Variants in C8orf76 observed in about 807,000 individuals in gnomAD.
C8orf76 encodes chromosome 8 open reading frame 76, also known as uncharacterized protein C8orf76.
C8orf76 carries 46 observed loss-of-function variants against 38.1 expected under a neutral mutation model. That is an observed-to-expected ratio of 1.21 (90% CI 0.95 to 1.54). The LOEUF (loss-of-function observed/expected upper bound fraction) is 1.54. Among genes scored for constraint, C8orf76 ranks in the 40% most tolerant of loss-of-function variants. C8orf76 has a pLI of 0.00. For synonymous variants in C8orf76, 166 were observed against 167.5 expected (o/e 0.99, Z 0.07); for missense variants, 461 against 441.6 (o/e 1.04, Z -0.39).
intron 2 of C8orf76, 82 bp from the exon 3 acceptor site, chr8:123,238,023 T>C (rs900115167): frequency 2.0e-6 from 3 of 1,484,002 alleles, no homozygotes; most frequent in Non-Finnish European, 1.8e-6. Flanking sequence ...TGATTTTTTT[T>C]CCTAGGTGGA....
intron 3 of C8orf76, among the ~76,000 whole-genome samples, chr8:123,234,537 G>A (rs891733422): frequency 2.6e-5 from 4 of 152,136 alleles, no homozygotes; most frequent in Admixed American, 2.6e-4. Context: ...GGGAGGCTGA[G>A]GCGGGTGGAC....
In C8orf76 at chr8:123,239,105, C is replaced by T. The variant is rs1020816543; in HGVS notation, c.157G>A (p.Val53Met). The T allele has an allele frequency of 1.9e-6, 3 of 1,614,130 alleles. No homozygotes were observed. The Admixed American group carries it at 5.0e-5, about 27-fold the overall frequency. ...CCTTTGAATTTCTTGAGAGTCAGCACTTCAACATCATCACTGCTTTCTGTT... is the reference window on the plus strand; with the variant it reads ...CCTTTGAATTTCTTGAGAGTCAGCATTTCAACATCATCACTGCTTTCTGTT... ...EETESSDDVE[V>M]LTLKKFKGDL... The change falls in exon 2 of 6, where the codon GTG (valine) becomes ATG (methionine). Residue 53 changes from valine to methionine, a missense_variant. Physicochemically the swap from Val to Met is conservative, Grantham distance 21 (BLOSUM62 1). Transcript: ENST00000276704.
At chr8:123,229,452 T>TCATC (rs1825161379) in intron 4 of C8orf76, among the ~76,000 whole-genome samples, 1 of 152,222 alleles carries the variant, frequency 6.6e-6, no homozygotes. Flanking sequence ...AGCAGAGGCA[T>TCATC]CATCCCCTCT....
intron 4 of C8orf76, among the ~76,000 whole-genome samples, chr8:123,230,947 CCG>C (rs1325753270): frequency 2.0e-5 from 3 of 152,042 alleles, no homozygotes; most frequent in Non-Finnish European, 4.4e-5. Flanking sequence ...CGCGCCCGGC[CCG>C]CATAGTTAAC....
intron 5 of C8orf76, among the ~76,000 whole-genome samples, chr8:123,224,587 A>G (rs1230874018): frequency 6.6e-6 from 1 of 152,230 alleles, no homozygotes; most frequent in Non-Finnish European, 1.5e-5. Context: ...GCCTAGCCTG[A>G]GTAACAGAAT....
chr8:123,238,250 CAGG>C (rs1021972983), intron 2 of C8orf76, among the ~76,000 whole-genome samples: 1 of 152,128 alleles, frequency 6.6e-6, no homozygotes, highest in African/African-American at 2.4e-5. Flanking sequence ...TAGTTAGTCT[CAGG>C]AGATCTGATA....
rs1169844448 is a variant in C8orf76, at chr8:123,226,536, G to A, written c.912C>T (p.Phe304=). 1 of 1,613,598 alleles carries A rather than the reference G, an allele frequency of 6.2e-7. No individual in the cohort carries two copies. Among genetic ancestry groups the A allele is most frequent in the Non-Finnish European group, 8.5e-7 (1 of 1,179,904 alleles). The part of the protein sequence containing the change: ...QQEIEDKMKG[F]SFKEDTLLLI... ...ACAGCAAAGTGTCTTCTTTGAAGCT[G>A]AACCCTTTCATTTTATCTTCAATTT... The change falls in exon 5 of 6, where the codon TTC becomes TTT. Residue 304 remains phenylalanine, a synonymous_variant. Transcript: ENST00000276704.
At chr8:123,229,505 G>A (rs1325786854) in intron 4 of C8orf76, among the ~76,000 whole-genome samples, 4 of 152,210 alleles carry the variant, frequency 2.6e-5, no homozygotes, top group Non-Finnish European at 5.9e-5. Context: ...GCTCCCTGAC[G>A]TTGGTCACAG....
intron 5 of C8orf76, among the ~76,000 whole-genome samples, chr8:123,221,432 CA>C (rs1035582283): frequency 6.6e-6 from 1 of 151,842 alleles, no homozygotes; most frequent in Non-Finnish European, 1.5e-5. Context: ...CCCGTCCCTA[CA>C]AAAAAAAGTA....
chr8:123,229,776 G>C (rs981632519), intron 4 of C8orf76, among the ~76,000 whole-genome samples: 3 of 152,144 alleles, frequency 2.0e-5, no homozygotes, highest in Admixed American at 6.5e-5. Context: ...CAGCACTCTG[G>C]GAAGCCGAGG....
At chr8:123,230,944 G>A (rs570255832) in intron 4 of C8orf76, among the ~76,000 whole-genome samples, 33 of 152,092 alleles carry the variant, frequency 2.2e-4, no homozygotes, top group Admixed American at 5.9e-4. Context: ...CACCGCGCCC[G>A]GCCCGCATAG....
At chr8:123,227,745 G>C (rs1825096719) in intron 4 of C8orf76, among the ~76,000 whole-genome samples, 1 of 152,088 alleles carries the variant, frequency 6.6e-6, no homozygotes, top group South Asian at 2.1e-4. Flanking sequence ...GGAAAAAAAA[G>C]CAGGGCCAAT....
At chr8:123,226,741 T>A in intron 4 of C8orf76, 109 bp from the exon 5 acceptor site, 1 of 1,448,838 alleles carries the variant, frequency 6.9e-7, no homozygotes, top group Non-Finnish European at 9.0e-7. Flanking sequence ...CGGCTGCAAG[T>A]CCCACCAGGT....
At chr8:123,229,642 C>G (rs919272740) in intron 4 of C8orf76, among the ~76,000 whole-genome samples, 14 of 152,242 alleles carry the variant, frequency 9.2e-5, no homozygotes, top group African/African-American at 3.1e-4. Flanking sequence ...AAGCACATGT[C>G]TGGCACACGG....
chr8:123,220,167 T>G lies in C8orf76; in HGVS notation c.1079A>C (p.Lys360Thr). 2 of 1,614,132 alleles carry G rather than the reference T, an allele frequency of 1.2e-6. No homozygotes were observed. The highest frequency in any genetic ancestry group is 1.7e-6 in the Non-Finnish European group (2 of 1,179,998). Residue 360 changes from lysine to threonine, a missense_variant, in exon 6 of 6, where the codon AAG becomes ACG. Coordinates refer to ENST00000276704, the MANE Select transcript of C8orf76 (RefSeq NM_032847.3). ...AAATGGACAGAAATGGTCTTTGATCTTTCTGAACCACTTGTCTTCAAATTC... is the reference window on the plus strand; with the variant it reads ...AAATGGACAGAAATGGTCTTTGATCGTTCTGAACCACTTGTCTTCAAATTC... ...SEEFEDKWFR[K>T]IKDHFCPFEN...
At chr8:123,241,090 G>T in intron 1 of C8orf76, 140 bp downstream of exon 1, 1 of 808,272 alleles carries the variant, frequency 1.2e-6, no homozygotes, top group Non-Finnish European at 1.8e-6. Flanking sequence ...GGAGGAGGAG[G>T]GACGGCGGGG....
chr8:123,237,733 A>C, intron 3 of C8orf76, 65 bp downstream of exon 3: 3 of 1,512,706 alleles, frequency 2.0e-6, no homozygotes, highest in Non-Finnish European at 2.7e-6. Flanking sequence ...TTTTGTTTTC[A>C]AAAAATACAC....
chr8:123,224,053 T>C (rs2131132190), intron 5 of C8orf76, among the ~76,000 whole-genome samples: 2 of 152,316 alleles, frequency 1.3e-5, no homozygotes, highest in East Asian at 3.9e-4. Flanking sequence ...ACTGTATACG[T>C]ACTTAATACC....
intron 1 of C8orf76, 73 bp from the exon 2 acceptor site, chr8:123,239,217 A>G (rs1825597801): frequency 6.7e-7 from 1 of 1,488,368 alleles, no homozygotes; most frequent in Non-Finnish European, 9.3e-7. Context: ...GCAATTTCCC[A>G]TAATATAATT....
Sources: allele counts gnomAD v4.1 joint callset (sites outside exome capture counted in the v4.1 genomes callset), GRCh38; gene constraint gnomAD v4.1.1; transcripts MANE v1.5; gene names NCBI Gene and HGNC (gene_info 2026-07-23, HGNC 2026-07-21).